Variants in CIT observed in about 807,000 individuals in gnomAD.
The protein encoded by CIT is citron rho-interacting serine/threonine kinase.
CIT carries 79 observed loss-of-function variants against 272.7 expected under a neutral mutation model. That is an observed-to-expected ratio of 0.29 (90% CI 0.24 to 0.35). The LOEUF is 0.35. CIT is among the 10% of genes least tolerant of loss of function. CIT has a pLI of 1.00. For missense variants in CIT, 1,909 were observed against 2,618.3 expected (o/e 0.73, Z 5.91); for synonymous variants, 948 against 995.6 (o/e 0.95, Z 0.90).
At chr12:119,755,171 A>T (rs1960777688) in intron 22 of CIT, among the ~76,000 whole-genome samples, 1 of 152,208 alleles carries the variant, frequency 6.6e-6, no homozygotes, top group Non-Finnish European at 1.5e-5. Context: ...TGACCTAAGA[A>T]ATAATAAAAG....
intron 17 of CIT, 40 bp downstream of exon 17, chr12:119,772,730 C>T (rs760481955): frequency 4.5e-6 from 7 of 1,571,738 alleles, no homozygotes; most frequent in Non-Finnish European, 6.0e-6. Context: ...CAGCCAAAGG[C>T]CGAGGCCGCT....
chr12:119,852,551 T>C (rs1288378110), intron 4 of CIT, among the ~76,000 whole-genome samples: 2 of 151,090 alleles, frequency 1.3e-5, no homozygotes, highest in East Asian at 3.9e-4. Flanking sequence ...TCGTCTCTAC[T>C]AAAAAAAATA....
At chr12:119,782,334 G>C (rs896463208) in intron 13 of CIT, 184 bp downstream of exon 13, 2 of 554,946 alleles carry the variant, frequency 3.6e-6, no homozygotes, top group South Asian at 2.5e-5. Flanking sequence ...AGCATTCTAT[G>C]ATGTATATAA....
intron 2 of CIT, among the ~76,000 whole-genome samples, chr12:119,869,422 G>A (rs746652632): frequency 1.3e-5 from 2 of 152,164 alleles, no homozygotes; most frequent in Non-Finnish European, 2.9e-5. Flanking sequence ...ACCAGCACCT[G>A]GGAAGGAAAA....
chr12:119,770,696 T>A lies in CIT; in HGVS notation c.2208+89A>T. 4 of 1,461,926 alleles carry A rather than the reference T, an allele frequency of 2.7e-6. No homozygotes were observed. The highest frequency in any genetic ancestry group is 2.8e-6 in the Non-Finnish European group (3 of 1,057,506). 90.6% of individuals were successfully genotyped at this position (1,461,926 alleles called of 1,614,324 possible). The stretch of plus-strand genomic sequence containing the variant: ...CATCTACTTGGAGATACCTCCCTTA[T>A]TGTGGCGGTTAATTCTTCTTCTTAC... On this transcript the variant is annotated intron_variant, in intron 18 of 47. Transcript: ENST00000392521. The surrounding 1 kb of genome is among the most constrained non-coding windows in gnomAD (Gnocchi z 4.4).
chr12:119,730,522 C>T lies in CIT; in HGVS notation c.3459G>A (p.Lys1153=), dbSNP rs548454043. 1.2e-6 allele frequency: 2 copies of T among 1,613,932 alleles called. No homozygotes were observed. Among genetic ancestry groups the T allele is most frequent in the Admixed American group, 1.7e-5 (1 of 60,026 alleles). Residue 1153 remains lysine, a synonymous_variant, in exon 27 of 48, where the codon AAG becomes AAA. Transcript: ENST00000392521. ...LALQQALKEQ[K]LKAESLSDKL... ...TGTCAGAGAGGCTCTCGGCCTTCAGCTTCTGCTCTTTGAGAGCCTGCTGCA... is the reference window on the plus strand; with the variant it reads ...TGTCAGAGAGGCTCTCGGCCTTCAGTTTCTGCTCTTTGAGAGCCTGCTGCA...
intron 24 of CIT, among the ~76,000 whole-genome samples, chr12:119,737,115 G>A (rs537096018): frequency 4.0e-5 from 6 of 151,808 alleles, no homozygotes; most frequent in East Asian, 3.9e-4. Flanking sequence ...AGACCATCCC[G>A]GCTAACACGG....
intron 1 of CIT, 70 bp downstream of exon 1, chr12:119,877,179 G>GTC (rs982373799): frequency 6.6e-6 from 1 of 152,342 alleles, no homozygotes; most frequent in African/African-American, 2.4e-5. Context: ...ACTTGTATGG[G>GTC]TGGAGGCGGC....
intron 10 of CIT, among the ~76,000 whole-genome samples, chr12:119,791,092 C>T (rs1276976541): frequency 6.6e-6 from 1 of 152,122 alleles, no homozygotes; most frequent in African/African-American, 2.4e-5. Flanking sequence ...ACCACGTTAC[C>T]ATGATTTGTG....
At position 119,717,834 on chromosome 12, in the gene CIT, C is replaced by CTTTT. The variant is rs546520444; in HGVS notation, c.4168+410_4168+411insAAAA. On this transcript the variant is annotated intron_variant, in intron 32 of 47. Transcript: ENST00000392521. ...GGATGGGGAGCCAGGAGACTGACTT[C>CTTTT]TTTCTTTTTTTTTTTTTTTTTTTTG... Among the ~76,000 whole-genome samples the CTTTT allele has an allele frequency of 3.5e-3, 244 of 70,172 alleles. 9 individuals are homozygous for CTTTT. Among genetic ancestry groups the CTTTT allele is most frequent in the African/African-American group, 8.7e-3 (175 of 20,060 alleles). 46.0% of individuals were successfully genotyped at this position (70,172 alleles called of 152,430 possible).
intron 23 of CIT, among the ~76,000 whole-genome samples, chr12:119,745,370 C>G (rs1038494777): frequency 1.3e-3 from 1 of 774 alleles, no homozygotes; most frequent in Non-Finnish European, 3.0e-3. Flanking sequence ...ACAGAAGAAA[C>G]AAGCAAAAAA....
intron 28 of CIT, 80 bp from the exon 29 acceptor site, chr12:119,721,529 A>AAG (rs1470090531): frequency 6.2e-5 from 81 of 1,297,994 alleles, no homozygotes; most frequent in Non-Finnish European, 7.8e-5. Context: ...ATTTCAAACT[A>AAG]ATTTCAGGCA....
chr12:119,779,283 C>T lies in CIT; in HGVS notation c.1666-2441G>A, dbSNP rs528417549. ...ATGAGCTGTATGTGAAATGGAATAT[C>T]GGTTTTTCTGGACCCCCTCAAGCAG... On this transcript the variant is annotated intron_variant, in intron 13 of 47. Transcript: ENST00000392521. Among the ~76,000 whole-genome samples, 5 of 152,154 alleles carry T rather than the reference C, an allele frequency of 3.3e-5. No individual in the cohort carries two copies. The East Asian group carries it at 9.7e-4, about 29-fold the overall frequency.
chr12:119,736,014 T>C (rs944716760), intron 24 of CIT, among the ~76,000 whole-genome samples: 2 of 152,212 alleles, frequency 1.3e-5, no homozygotes, highest in African/African-American at 2.4e-5. Flanking sequence ...GTATATGAAA[T>C]TGTTATTTTA....
intron 10 of CIT, among the ~76,000 whole-genome samples, chr12:119,792,838 T>C (rs1965423285): frequency 1.3e-5 from 2 of 152,080 alleles, no homozygotes; most frequent in African/African-American, 4.8e-5. Flanking sequence ...GGCACGCACC[T>C]GTAGTCCTAG....
chr12:119,708,118 G>T, intron 40 of CIT, 61 bp downstream of exon 40: 1 of 1,429,484 alleles, frequency 7.0e-7, no homozygotes, highest in East Asian at 2.6e-5. Flanking sequence ...AGCTCTGTGG[G>T]AAGAGAGGTA....
intron 19 of CIT, among the ~76,000 whole-genome samples, chr12:119,762,866 C>T (rs1183027964): frequency 6.6e-6 from 1 of 152,056 alleles, no homozygotes; most frequent in African/African-American, 2.4e-5. Flanking sequence ...TAGCAAGACC[C>T]CATTTCCACA....
chr12:119,712,568 GGGCTCCTCC>G lies in CIT; in HGVS notation c.4684+14_4684+22del, dbSNP rs1415619741. ...CCAAGCCCGGCCCACCTCCAGGGCG[GGGCTCCTCC>G]GGCTCCTCCTCACCTGCTTTGGCTG... On this transcript the variant is annotated intron_variant, in intron 36 of 47. Coordinates refer to ENST00000392521, the MANE Select transcript of CIT (RefSeq NM_001206999.2). The surrounding 1 kb of genome is among the most constrained non-coding windows in gnomAD (Gnocchi z 5.2). 8 of 1,608,806 alleles carry G rather than the reference GGGCTCCTCC, an allele frequency of 5.0e-6. No homozygotes were observed. The highest frequency in any genetic ancestry group is 6.8e-6 in the Non-Finnish European group (8 of 1,175,354).
chr12:119,735,112 C>T lies in CIT; in HGVS notation c.3156+48G>A, dbSNP rs755279055. ...GAACGCACCAAGCACTCCTAAAATC[C>T]TTCTAAAAGTCCTCCAGGGATCTCA... On this transcript the variant is annotated intron_variant, in intron 25 of 47. Transcript: ENST00000392521. 46 of 1,593,368 alleles carry T rather than the reference C, an allele frequency of 2.9e-5. No homozygotes were observed. In the East Asian group the frequency reaches 9.6e-4, roughly 33 times the overall value.
Sources: allele counts gnomAD v4.1 joint callset (sites outside exome capture counted in the v4.1 genomes callset), GRCh38; gene constraint gnomAD v4.1.1; non-coding constraint Gnocchi (gnomAD v3.1); transcripts MANE v1.5; gene names NCBI Gene and HGNC (gene_info 2026-07-23, HGNC 2026-07-21).